PRELID2: variants seen among roughly 807,000 people sequenced by gnomAD.
PRELID2 encodes the protein PRELI domain-containing protein 2.
Under a neutral mutation model 28.4 loss-of-function variants are expected in PRELID2, and 25 were observed. The observed-to-expected ratio is 0.88, with a 90% CI of 0.64 to 1.23. The LOEUF (loss-of-function observed/expected upper bound fraction) is 1.23. Ranked by LOEUF, PRELID2 falls within the 50% of genes most tolerant of loss-of-function variation. The pLI, the probability that PRELID2 is intolerant of heterozygous loss-of-function variation, is 0.00. For missense variants in PRELID2, 201 were observed against 214.4 expected, an observed-to-expected ratio of 0.94 and a Z score of 0.39; for synonymous variants, 76 against 71.6, an observed-to-expected ratio of 1.06 and a Z score of -0.31.
intron 5 of PRELID2, among the ~76,000 whole-genome samples, chr5:145,785,993 A>G (rs575499523): frequency 6.6e-6 from 1 of 152,292 alleles, no homozygotes; most frequent in South Asian, 2.1e-4. Flanking sequence ...TGAGCACCCA[A>G]AAGGATGAAG....
At chr5:145,450,830 G>T in the PRELID2 span, 2 of 152,152 alleles carry the variant, frequency 1.3e-5, no homozygotes, top group African/African-American at 4.8e-5. Context: ...TTTTGAAACA[G>T]AGACTTGTCA....
rs1320625365 is a variant in PRELID2 at position 145,758,667 on chromosome 5, A to C, written c.*1869T>G. Among the ~76,000 whole-genome samples the C allele has an allele frequency of 6.6e-6, 1 of 152,118 alleles. No individual in the cohort carries two copies. Among genetic ancestry groups the C allele is most frequent in the Non-Finnish European group, 1.5e-5 (1 of 68,018 alleles). On this transcript the variant is annotated 3_prime_UTR_variant, in exon 7 of 7. Transcript: ENST00000683046. ...TCTCACTTCCACAATAATTTGCATC[A>C]CCTTTTATTTTTTGAAATAGGCTAT...
At chr5:145,477,804 A>G (rs1381253729) in intron 1 of PRELID2, among the ~76,000 whole-genome samples, 1 of 152,144 alleles carries the variant, frequency 6.6e-6, no homozygotes, top group African/African-American at 2.4e-5. Flanking sequence ...GCATGTATAA[A>G]TACCTTTTTA....
intron 5 of PRELID2, among the ~76,000 whole-genome samples, chr5:145,783,098 G>A (rs534754045): frequency 6.6e-6 from 1 of 152,298 alleles, no homozygotes; most frequent in South Asian, 2.1e-4. Context: ...TAACACATCT[G>A]GAGCTCAGAA....
intron 1 of PRELID2, among the ~76,000 whole-genome samples, chr5:145,575,878 A>G (rs2149621166): frequency 6.6e-6 from 1 of 152,154 alleles, no homozygotes; most frequent in Non-Finnish European, 1.5e-5. Context: ...TTGCTCTCAA[A>G]GCTCCAGCTG....
At chr5:145,607,516 C>G (rs185864358) in intron 1 of PRELID2, among the ~76,000 whole-genome samples, 1 of 152,102 alleles carries the variant, frequency 6.6e-6, no homozygotes, top group African/African-American at 2.4e-5. Flanking sequence ...AAAAGTCATT[C>G]AGGAACAGGT....
At chr5:145,754,108 A>G (rs1464969313), downstream of PRELID2, 1 of 152,180 alleles carries the variant, frequency 6.6e-6, no homozygotes, top group Non-Finnish European at 1.5e-5. Flanking sequence ...TGAAGGTAAA[A>G]AACATTTACA....
intron 1 of PRELID2, among the ~76,000 whole-genome samples, chr5:145,698,062 GTATTAT>G (rs1335519736): frequency 6.6e-6 from 1 of 151,762 alleles, no homozygotes; most frequent in Non-Finnish European, 1.5e-5. Context: ...AAGCTCTTTG[GTATTAT>G]TATTAACTAA....
intron 1 of PRELID2, among the ~76,000 whole-genome samples, chr5:145,494,156 C>G (rs560167553): frequency 2.6e-4 from 40 of 152,224 alleles, no homozygotes; most frequent in African/African-American, 9.6e-4. Context: ...TATTAACTAG[C>G]AAAATGTCCT....
rs551354661 is a variant in PRELID2 at position 145,535,555 on chromosome 5, T to C, written n.71-62240A>G. On this transcript the variant is annotated intron_variant and non_coding_transcript_variant, in intron 1 of 2. Transcript: ENST00000510259. The stretch of plus-strand genomic sequence containing the variant: ...TCAAAAGGCAAGTTTCCTGAAGTCA[T>C]TTGCAAAGTCCTATACTCACAATTG... Among the ~76,000 whole-genome samples, 5 of 152,018 alleles carry C rather than the reference T, an allele frequency of 3.3e-5. No individual in the cohort carries two copies. The East Asian group carries it at 5.8e-4, about 18-fold the overall frequency.
the PRELID2 span, among the ~76,000 whole-genome samples, chr5:145,261,218 G>C: frequency 2.6e-5 from 4 of 152,124 alleles, no homozygotes; most frequent in African/African-American, 9.7e-5. Flanking sequence ...CCTACCTGAT[G>C]GTCTTTCTCT....
At chr5:145,686,049 C>T (rs978301519) in intron 1 of PRELID2, among the ~76,000 whole-genome samples, 2 of 152,174 alleles carry the variant, frequency 1.3e-5, no homozygotes, top group Non-Finnish European at 2.9e-5. Flanking sequence ...AATTCTTCAC[C>T]AAATCAAGCT....
chr5:145,540,736 C>T (rs186387888), intron 1 of PRELID2, among the ~76,000 whole-genome samples: 12 of 148,666 alleles, frequency 8.1e-5, no homozygotes, highest in African/African-American at 3.0e-4. Context: ...AGACAGGAGA[C>T]TGTTTTGGGG....
chr5:145,403,215 G>A, the PRELID2 span, among the ~76,000 whole-genome samples: 75 of 152,194 alleles, frequency 4.9e-4, no homozygotes, highest in Non-Finnish European at 6.3e-4. Flanking sequence ...TGATTATAAG[G>A]AAAAGCCCAT....
At chr5:145,582,614 A>C (rs982185376) in intron 1 of PRELID2, among the ~76,000 whole-genome samples, 17 of 152,120 alleles carry the variant, frequency 1.1e-4, no homozygotes, top group African/African-American at 3.4e-4. Context: ...TAATGAGGAT[A>C]TCACCACTGA....
At chr5:145,324,848 G>C in the PRELID2 span, among the ~76,000 whole-genome samples, 1 of 152,078 alleles carries the variant, frequency 6.6e-6, no homozygotes, top group Non-Finnish European at 1.5e-5. Context: ...GCTAAGATTA[G>C]AAAAAAGTGT....
intron 1 of PRELID2, among the ~76,000 whole-genome samples, chr5:145,700,361 C>G (rs1479446414): frequency 1.3e-5 from 2 of 152,158 alleles, no homozygotes; most frequent in Non-Finnish European, 2.9e-5. Context: ...AAAAAAATAT[C>G]AACTTACTTT....
chr5:145,356,991 T>A, the PRELID2 span, among the ~76,000 whole-genome samples: 1 of 152,344 alleles, frequency 6.6e-6, no homozygotes, highest in African/African-American at 2.4e-5. Context: ...TCTCATTCAC[T>A]TATGAAGTTT....
intron 1 of PRELID2, among the ~76,000 whole-genome samples, chr5:145,536,214 G>C (rs4320317): frequency 0.23 from 34,438 of 151,814 alleles, 5,691 homozygotes; most frequent in African/African-American, 0.47. Flanking sequence ...GCTGATGCAT[G>C]CTTTATCACT....
Sources: allele counts gnomAD v4.1 joint callset (sites outside exome capture counted in the v4.1 genomes callset), GRCh38; gene constraint gnomAD v4.1.1; transcripts MANE v1.5; gene names NCBI Gene and HGNC (gene_info 2026-07-23, HGNC 2026-07-21).